GRM8: variants seen among roughly 807,000 people sequenced by gnomAD.
The protein encoded by GRM8 is metabotropic glutamate receptor 8.
In GRM8, 47 loss-of-function variants were observed where a neutral mutation model predicts 87.2. The observed-to-expected ratio is 0.54, with a 90% confidence interval of 0.43 to 0.69. The LOEUF (loss-of-function observed/expected upper bound fraction) is 0.69. GRM8 is among the 30% of genes least tolerant of loss of function. The pLI, the probability that GRM8 is intolerant of heterozygous loss-of-function variation, is 0.00. For synonymous variants in GRM8, 396 were observed against 404.5 expected (o/e 0.98, Z 0.25); for missense variants, 1,019 against 1,139.2 (o/e 0.89, Z 1.52).
At chr7:126,506,863 T>C (rs530750629) in intron 9 of GRM8, among the ~76,000 whole-genome samples, 4 of 152,178 alleles carry the variant, frequency 2.6e-5, no homozygotes, top group African/African-American at 7.2e-5. Flanking sequence ...AGGATATGTA[T>C]GTAACTGAAA....
chr7:126,681,261 A>C (rs1233690733), intron 7 of GRM8, among the ~76,000 whole-genome samples: 1 of 152,170 alleles, frequency 6.6e-6, no homozygotes, highest in African/African-American at 2.4e-5. Context: ...ATTCCTCAAT[A>C]GGTATCTCAT....
At chr7:126,898,116 T>C (rs1373383353) in intron 6 of GRM8, among the ~76,000 whole-genome samples, 5 of 152,200 alleles carry the variant, frequency 3.3e-5, no homozygotes, top group African/African-American at 4.8e-5. Flanking sequence ...ATGTTCTGAA[T>C]GAACAAAAAG....
At chr7:126,757,971 G>T (rs893825755) in intron 7 of GRM8, among the ~76,000 whole-genome samples, 1 of 151,940 alleles carries the variant, frequency 6.6e-6, no homozygotes, top group African/African-American at 2.4e-5. Context: ...GACTGCAAGA[G>T]AAAAAAGAAA....
chr7:127,044,676 G>C, intron 3 of GRM8, among the ~76,000 whole-genome samples: 1 of 152,066 alleles, frequency 6.6e-6, no homozygotes, highest in Non-Finnish European at 1.5e-5. Flanking sequence ...GTCCAGCCAG[G>C]GATGGTGTCA....
At chr7:126,888,054 T>C (rs1800667899) in intron 6 of GRM8, among the ~76,000 whole-genome samples, 1 of 152,128 alleles carries the variant, frequency 6.6e-6, no homozygotes, top group Admixed American at 6.5e-5. Context: ...ATATGAATTA[T>C]TTGTTTTTCT....
At chr7:127,163,244 G>A (rs1424765763) in intron 2 of GRM8, among the ~76,000 whole-genome samples, 1 of 152,118 alleles carries the variant, frequency 6.6e-6, no homozygotes, top group Non-Finnish European at 1.5e-5. Context: ...TATCAGGCAG[G>A]GGCCATAACA....
At chr7:126,619,605 A>G (rs1222987137) in intron 7 of GRM8, among the ~76,000 whole-genome samples, 2 of 152,230 alleles carry the variant, frequency 1.3e-5, no homozygotes, top group Non-Finnish European at 2.9e-5. Context: ...CATATTTTAC[A>G]TGATAAATTA....
intron 7 of GRM8, among the ~76,000 whole-genome samples, chr7:126,725,837 G>A (rs1339482277): frequency 1.3e-5 from 2 of 152,134 alleles, no homozygotes; most frequent in Non-Finnish European, 2.9e-5. Context: ...AGGAGTAAAG[G>A]AGATTGGGTT....
At chr7:127,208,623 GGAAGTCA>G (rs1796048435) in intron 2 of GRM8, among the ~76,000 whole-genome samples, 1 of 152,184 alleles carries the variant, frequency 6.6e-6, no homozygotes, top group African/African-American at 2.4e-5. Flanking sequence ...CTTCCCTCAA[GGAAGTCA>G]GGATCCTCTT....
At chr7:127,240,210 G>C (rs971332380) in intron 2 of GRM8, among the ~76,000 whole-genome samples, 1 of 152,150 alleles carries the variant, frequency 6.6e-6, no homozygotes, top group Non-Finnish European at 1.5e-5. Flanking sequence ...CAGTCAGTGA[G>C]GGAAGAATAG....
At chr7:126,664,088 G>A (rs994105382) in intron 7 of GRM8, among the ~76,000 whole-genome samples, 4 of 152,034 alleles carry the variant, frequency 2.6e-5, no homozygotes, top group Non-Finnish European at 5.9e-5. Context: ...AACCTAGGAG[G>A]TGAAATATCT....
chr7:127,140,185 G>A (rs1828183129), intron 2 of GRM8, among the ~76,000 whole-genome samples: 1 of 152,070 alleles, frequency 6.6e-6, no homozygotes, highest in African/African-American at 2.4e-5. Flanking sequence ...CTCAATCTCA[G>A]CACTATTGAC....
intron 9 of GRM8, among the ~76,000 whole-genome samples, chr7:126,452,304 G>A (rs1313698561): frequency 7.7e-6 from 1 of 130,014 alleles, no homozygotes; most frequent in Admixed American, 8.0e-5. Flanking sequence ...GGAGGGGGGA[G>A]GGATAGCATT....
intron 6 of GRM8, among the ~76,000 whole-genome samples, chr7:126,825,904 T>C (rs184185435): frequency 6.9e-6 from 1 of 144,060 alleles, no homozygotes; most frequent in Admixed American, 7.3e-5. Flanking sequence ...CAGAGTGTGA[T>C]GTTCCCCTTC....
chr7:126,546,170 A>G (rs1352259437), intron 8 of GRM8, among the ~76,000 whole-genome samples: 2 of 152,256 alleles, frequency 1.3e-5, no homozygotes, highest in African/African-American at 4.8e-5. Context: ...ACTATGTGTC[A>G]GATTGTTCTA....
chr7:126,816,010 A>G, intron 6 of GRM8, among the ~76,000 whole-genome samples: 1 of 152,174 alleles, frequency 6.6e-6, no homozygotes, highest in African/African-American at 2.4e-5. Context: ...ATTTTTATAT[A>G]TATATATATA....
chr7:126,719,670 G>A (rs1812155378), intron 7 of GRM8, among the ~76,000 whole-genome samples: 1 of 152,098 alleles, frequency 6.6e-6, no homozygotes, highest in African/African-American at 2.4e-5. Flanking sequence ...GCTGAAGTTT[G>A]CCCAGGCTGT....
intron 7 of GRM8, among the ~76,000 whole-genome samples, chr7:126,616,741 T>C (rs1349573895): frequency 6.6e-6 from 1 of 152,108 alleles, no homozygotes; most frequent in East Asian, 1.9e-4. Flanking sequence ...GAGAATACTA[T>C]AAACACCACT....
chr7:126,794,812 A>T (rs1325579120), intron 6 of GRM8, among the ~76,000 whole-genome samples: 1 of 152,130 alleles, frequency 6.6e-6, no homozygotes, highest in East Asian at 1.9e-4. Flanking sequence ...GGAATTTGGA[A>T]ATTGCATTTT....
Sources: gnomAD v4.1 joint callset for allele counts (sites outside exome capture counted in the v4.1 genomes callset) on GRCh38, gnomAD v4.1.1 for gene constraint, MANE v1.5 for transcripts, NCBI Gene and HGNC (gene_info 2026-07-23, HGNC 2026-07-21) for gene names.